Variants in SYNJ1 observed in about 807,000 individuals in gnomAD.
SYNJ1 encodes polyphosphatidylinositol phosphatase SYNJ1.
Under a neutral mutation model 168.2 loss-of-function variants are expected in SYNJ1, and 78 were observed. That is an observed-to-expected ratio of 0.46 (90% CI 0.39 to 0.56). The LOEUF is 0.56. SYNJ1 is among the 20% of genes least tolerant of loss of function. The pLI is 0.00. For synonymous variants in SYNJ1, 539 were observed against 548.6 expected (o/e 0.98, Z 0.24); for missense variants, 1,303 against 1,597.6 (o/e 0.82, Z 3.14).
At chr21:32,712,158 T>C (rs1473658048) in intron 2 of SYNJ1, among the ~76,000 whole-genome samples, 2 of 152,184 alleles carry the variant, frequency 1.3e-5, no homozygotes, top group East Asian at 3.8e-4. Flanking sequence ...TCAATAACAA[T>C]GTAAAAATAA....
intron 2 of SYNJ1, among the ~76,000 whole-genome samples, chr21:32,717,182 C>T (rs138022728): frequency 0.011 from 1,637 of 152,304 alleles, 33 homozygotes; most frequent in African/African-American, 0.037. Flanking sequence ...TGGTCTTGAA[C>T]ACCTGACCTC....
intron 29 of SYNJ1, among the ~76,000 whole-genome samples, chr21:32,640,644 C>A (rs940031942): frequency 6.6e-6 from 1 of 152,136 alleles, no homozygotes; most frequent in African/African-American, 2.4e-5. Context: ...TCCAGCTAGA[C>A]TTGAACTCCT....
chr21:32,645,702 C>CGG lies in SYNJ1; in HGVS notation c.3333_3334dup (p.Arg1112ProfsTer43). ...CGGGCGTGTGGGAGGGGCGACCGGG[C>CGG]GGGGCGGCGGCGGCCGCTTGGGCTC... On this transcript the variant is annotated frameshift_variant, in exon 25 of 33. Coordinates refer to ENST00000674351, the MANE Select transcript of SYNJ1 (RefSeq NM_203446.3). LOFTEE classifies it high-confidence loss of function. 6.8e-7 allele frequency: 1 copy of CGG among 1,480,274 alleles called. No homozygotes were observed. Among genetic ancestry groups the CGG allele is most frequent in the South Asian group, 1.4e-5 (1 of 71,026 alleles). 91.7% of individuals were successfully genotyped at this position (1,480,274 alleles called of 1,614,324 possible).
intron 15 of SYNJ1, among the ~76,000 whole-genome samples, chr21:32,669,220 TAAAAG>T (rs1391894051): frequency 6.6e-6 from 1 of 152,194 alleles, no homozygotes; most frequent in Non-Finnish European, 1.5e-5. Flanking sequence ...AATTTTCCCT[TAAAAG>T]AACTAATGAC....
chr21:32,646,614 C>A lies in SYNJ1; in HGVS notation c.3038-12G>T. ...GTCATCAACATCACCTAAGGAAAAG[C>A]AGGCTTGATCAGAGATAACTCCATT... On this transcript the variant is annotated splice_polypyrimidine_tract_variant and intron_variant, in intron 23 of 32. Coordinates refer to ENST00000674351, the MANE Select transcript of SYNJ1 (RefSeq NM_203446.3). 1 of 1,605,422 alleles carries A rather than the reference C, an allele frequency of 6.2e-7. No homozygotes were observed. Among genetic ancestry groups the A allele is most frequent in the African/African-American group, 1.3e-5 (1 of 74,854 alleles).
intron 7 of SYNJ1, among the ~76,000 whole-genome samples, chr21:32,687,515 T>G (rs1194958817): frequency 6.6e-6 from 1 of 152,206 alleles, no homozygotes; most frequent in Non-Finnish European, 1.5e-5. Flanking sequence ...GTCTTTTCTC[T>G]TTCCAGCTTC....
chr21:32,690,585 T>C (rs2041986407), intron 6 of SYNJ1, among the ~76,000 whole-genome samples: 1 of 152,034 alleles, frequency 6.6e-6, no homozygotes, highest in Admixed American at 6.6e-5. Context: ...TAACCATAAC[T>C]TTACCCAATT....
intron 3 of SYNJ1, among the ~76,000 whole-genome samples, chr21:32,700,470 C>T (rs1221610890): frequency 6.6e-6 from 1 of 152,088 alleles, no homozygotes; most frequent in Non-Finnish European, 1.5e-5. Flanking sequence ...CCCTGACTAA[C>T]ATGGAGAAAC....
rs774777679 is a variant in SYNJ1 at position 32,643,467 on chromosome 21, G to A, written c.3431-10C>T. 31 of 1,613,118 alleles carry A rather than the reference G, an allele frequency of 1.9e-5. No individual in the cohort carries two copies. The highest frequency in any genetic ancestry group is 2.5e-5 in the Non-Finnish European group (29 of 1,179,414). On this transcript the variant is annotated splice_polypyrimidine_tract_variant and intron_variant, in intron 26 of 32. Coordinates refer to ENST00000674351, the MANE Select transcript of SYNJ1 (RefSeq NM_203446.3). ...GGAGGGGCTCCAATACCTTTTTAGA[G>A]AAAGAACAGAAACTATATATTGTTC...
chr21:32,645,104 C>T (rs1455821946), intron 25 of SYNJ1, 98 bp from the exon 26 acceptor site: 2 of 1,207,986 alleles, frequency 1.7e-6, no homozygotes, highest in African/African-American at 1.6e-5. Context: ...CATCAAGTAT[C>T]ATGCAGGAAT....
chr21:32,683,356 A>G (rs1188972034), intron 10 of SYNJ1, among the ~76,000 whole-genome samples: 1 of 152,092 alleles, frequency 6.6e-6, no homozygotes, highest in Non-Finnish European at 1.5e-5. Context: ...AAAAAAAGAA[A>G]AAACGTTGCA....
intron 10 of SYNJ1, among the ~76,000 whole-genome samples, chr21:32,682,203 A>C (rs1430350952): frequency 6.6e-6 from 1 of 152,198 alleles, no homozygotes; most frequent in African/African-American, 2.4e-5. Flanking sequence ...TAGGGGGAAG[A>C]GCATGCAAGA....
chr21:32,701,078 G>A (rs946343539), intron 3 of SYNJ1, among the ~76,000 whole-genome samples: 6 of 152,080 alleles, frequency 3.9e-5, no homozygotes, highest in Non-Finnish European at 8.8e-5. Flanking sequence ...GTAGCATAAC[G>A]AACCTGAGAT....
Position 32,631,201 on chromosome 21 carries a change from T to A in SYNJ1, c.*604A>T, listed in dbSNP as rs371425452. On this transcript the variant is annotated 3_prime_UTR_variant, in exon 33 of 33. Coordinates refer to ENST00000674351, the MANE Select transcript of SYNJ1 (RefSeq NM_203446.3). ...GAGCCAGAAAATGAACTTGGCTGAT[T>A]ACCCAGTAAGTCTGAACAAGCTGAC... The A allele has an allele frequency of 6.2e-7, 1 of 1,614,216 alleles. No homozygotes were observed. Among genetic ancestry groups the A allele is most frequent in the South Asian group, 1.1e-5 (1 of 91,088 alleles).
At chr21:32,634,794 G>A in intron 32 of SYNJ1, 67 bp downstream of exon 32, 2 of 1,501,182 alleles carry the variant, frequency 1.3e-6, no homozygotes, top group South Asian at 2.3e-5. Context: ...GTATGAAGCA[G>A]AGATTCATAC....
intron 2 of SYNJ1, among the ~76,000 whole-genome samples, chr21:32,717,851 T>C (rs1447760736): frequency 6.6e-6 from 1 of 152,212 alleles, no homozygotes; most frequent in African/African-American, 2.4e-5. Context: ...TGCCTTGGCC[T>C]CCCCATATTC....
Position 32,643,446 on chromosome 21 carries a change from G to C in SYNJ1, c.3442C>G (p.Pro1148Ala). Residue 1148 changes from proline to alanine, a missense_variant, in exon 27 of 33, where the codon CCT becomes GCT. Coordinates refer to ENST00000674351, the MANE Select transcript of SYNJ1 (RefSeq NM_203446.3). ...TRKEFGGIGA[P>A]PSPGVARREM... ...CTCCTAGCTACCCCAGGACTGGGAG[G>C]GGCTCCAATACCTTTTTAGAGAAAG... 6.2e-7 allele frequency: 1 copy of C among 1,613,592 alleles called. No individual in the cohort carries two copies.
rs2039860474 is a variant in SYNJ1 at position 32,641,984 on chromosome 21, T to C, written c.3518-18A>G. On this transcript the variant is annotated intron_variant, in intron 28 of 32. Transcript: ENST00000674351. Reference sequence around the variant, plus strand: ...ACTGCGTCCTGGAACAAAGACATCATATCATATATTTAAGTTTAAAAAAAT... The same window carrying C: ...ACTGCGTCCTGGAACAAAGACATCACATCATATATTTAAGTTTAAAAAAAT... The C allele has an allele frequency of 1.2e-6, 2 of 1,613,556 alleles. No individual in the cohort carries two copies. Among genetic ancestry groups the C allele is most frequent in the East Asian group, 2.2e-5 (1 of 44,862 alleles).
At chr21:32,728,048 C>A, upstream of SYNJ1, 1 of 1,528,128 alleles carries the variant, frequency 6.5e-7, no homozygotes, top group East Asian at 2.5e-5. Flanking sequence ...CATTGCGCCG[C>A]GGCCGGGGGC....
Sources: allele counts gnomAD v4.1 joint callset (sites outside exome capture counted in the v4.1 genomes callset), GRCh38; gene constraint gnomAD v4.1.1; transcripts MANE v1.5; gene names NCBI Gene and HGNC (gene_info 2026-07-23, HGNC 2026-07-21).